Variants in DLGAP1 observed in about 807,000 individuals in gnomAD.
The protein encoded by DLGAP1 is DLG associated protein 1, also known as disks large-associated protein 1.
In DLGAP1, 11 loss-of-function variants were observed where a neutral mutation model predicts 90.8. The observed-to-expected ratio is 0.12, with a 90% CI of 0.08 to 0.20. The LOEUF is 0.20. Among genes scored for constraint, DLGAP1 ranks in the 10% least tolerant of loss-of-function variants. The pLI is 1.00. For missense variants in DLGAP1, 1,050 were observed against 1,333.8 expected (o/e 0.79, Z 3.31); for synonymous variants, 558 against 540.7 (o/e 1.03, Z -0.44).
At chr18:4,216,663 T>C (rs544561947) in intron 1 of DLGAP1, among the ~76,000 whole-genome samples, 2 of 152,230 alleles carry the variant, frequency 1.3e-5, no homozygotes, top group East Asian at 3.9e-4. Flanking sequence ...AATAGACAAC[T>C]TCTATCTTAC....
intron 8 of DLGAP1, among the ~76,000 whole-genome samples, chr18:3,573,372 C>T (rs977752842): frequency 6.6e-6 from 1 of 151,956 alleles, no homozygotes; most frequent in Admixed American, 6.6e-5. Context: ...CGTGGTAGCG[C>T]GTGGATGTAG....
intron 5 of DLGAP1, among the ~76,000 whole-genome samples, chr18:3,804,229 C>T (rs1439823747): frequency 2.3e-4 from 35 of 152,068 alleles, no homozygotes; most frequent in Admixed American, 2.3e-3. Context: ...AAGTGATCTG[C>T]CTGCCCTGGC....
chr18:3,584,755 ATC>A (rs1194499518), intron 7 of DLGAP1, among the ~76,000 whole-genome samples: 1 of 151,846 alleles, frequency 6.6e-6, no homozygotes, highest in African/African-American at 2.4e-5. Context: ...ACACAACTTC[ATC>A]TCTCTTTTTT....
intron 3 of DLGAP1, among the ~76,000 whole-genome samples, chr18:3,987,926 T>C (rs2073875365): frequency 6.6e-6 from 1 of 152,216 alleles, no homozygotes; most frequent in Non-Finnish European, 1.5e-5. Context: ...ACTGGTTTCA[T>C]GGAAGACAAT....
At chr18:3,924,669 C>T (rs2072341941) in intron 3 of DLGAP1, among the ~76,000 whole-genome samples, 1 of 152,162 alleles carries the variant, frequency 6.6e-6, no homozygotes, top group African/African-American at 2.4e-5. Context: ...CATACTTGAC[C>T]TTCTGATGCA....
intron 1 of DLGAP1, among the ~76,000 whole-genome samples, chr18:4,248,018 T>A (rs1297882876): frequency 6.6e-6 from 1 of 152,116 alleles, no homozygotes; most frequent in Non-Finnish European, 1.5e-5. Context: ...TTGGGAGTAT[T>A]AATATGGCAT....
intron 1 of DLGAP1, among the ~76,000 whole-genome samples, chr18:4,275,554 TC>T (rs2079391809): frequency 6.6e-6 from 1 of 151,800 alleles, no homozygotes. Flanking sequence ...TTGGTCCTTC[TC>T]CCCATGCTAG....
intron 5 of DLGAP1, among the ~76,000 whole-genome samples, chr18:3,772,419 T>C (rs1316637884): frequency 1.1e-5 from 1 of 91,962 alleles, no homozygotes; most frequent in African/African-American, 3.8e-5. Flanking sequence ...TCTTTCTTTC[T>C]TTCCTTCCTT....
intron 7 of DLGAP1, among the ~76,000 whole-genome samples, chr18:3,705,763 A>G (rs2061412432): frequency 6.7e-6 from 1 of 150,284 alleles, no homozygotes; most frequent in Non-Finnish European, 1.5e-5. Flanking sequence ...GGTTCAAGTG[A>G]TTCTCCTGCC....
intron 1 of DLGAP1, among the ~76,000 whole-genome samples, chr18:4,152,029 T>A (rs1009942890): frequency 3.9e-5 from 6 of 152,170 alleles, no homozygotes; most frequent in Non-Finnish European, 8.8e-5. Flanking sequence ...ATGGAACATA[T>A]AACTGGACCC....
At chr18:3,539,767 T>C (rs886369524) in intron 9 of DLGAP1, among the ~76,000 whole-genome samples, 1 of 152,226 alleles carries the variant, frequency 6.6e-6, no homozygotes, top group Non-Finnish European at 1.5e-5. Flanking sequence ...ATGACATCCA[T>C]GCTTTGGAAC....
At chr18:4,156,841 T>C (rs2076764654) in intron 1 of DLGAP1, among the ~76,000 whole-genome samples, 1 of 152,146 alleles carries the variant, frequency 6.6e-6, no homozygotes, top group Non-Finnish European at 1.5e-5. Context: ...TCCTATAAGA[T>C]GAAGAAGATG....
intron 1 of DLGAP1, among the ~76,000 whole-genome samples, chr18:4,286,926 G>T (rs2079710799): frequency 6.6e-6 from 1 of 152,110 alleles, no homozygotes; most frequent in Non-Finnish European, 1.5e-5. Context: ...GAACCACATG[G>T]ATATTTGGGA....
At chr18:4,451,915 A>G (rs1204497090) in intron 1 of DLGAP1, among the ~76,000 whole-genome samples, 1 of 152,218 alleles carries the variant, frequency 6.6e-6, no homozygotes, top group Non-Finnish European at 1.5e-5. Context: ...ATGAGAAGTG[A>G]GGATTGGGGA....
intron 3 of DLGAP1, among the ~76,000 whole-genome samples, chr18:3,970,115 A>C (rs2073414296): frequency 6.6e-6 from 1 of 152,228 alleles, no homozygotes; most frequent in African/African-American, 2.4e-5. Context: ...CGTATTACAA[A>C]AATGAAAATG....
At chr18:3,772,354 TTCTTTCTTTCTTTCTTTCTTTC>T (rs2064675539) in intron 5 of DLGAP1, among the ~76,000 whole-genome samples, 1 of 64,484 alleles carries the variant, frequency 1.6e-5, no homozygotes, top group Admixed American at 1.5e-4. Flanking sequence ...CTCTCTTTCT[TTCTTTCTTTCTTTCTTTCTTTC>T]TTTCTTTCTT....
chr18:3,537,842 C>A (rs112555129), intron 9 of DLGAP1, among the ~76,000 whole-genome samples: 2 of 152,092 alleles, frequency 1.3e-5, no homozygotes, highest in Non-Finnish European at 2.9e-5. Context: ...TGAGGTGGTA[C>A]ATTTCTTTGA....
chr18:4,324,116 C>G (rs758556444), intron 1 of DLGAP1, among the ~76,000 whole-genome samples: 16 of 151,710 alleles, frequency 1.1e-4, no homozygotes, highest in Non-Finnish European at 2.4e-4. Flanking sequence ...AGATAGACCA[C>G]TAACTACACA....
At chr18:3,722,748 A>G (rs1269266410) in intron 7 of DLGAP1, among the ~76,000 whole-genome samples, 1 of 152,196 alleles carries the variant, frequency 6.6e-6, no homozygotes, top group East Asian at 1.9e-4. Context: ...CCTGCTTTAT[A>G]ACAAGGATCT....
Sources: gnomAD v4.1 joint callset for allele counts (sites outside exome capture counted in the v4.1 genomes callset) on GRCh38, gnomAD v4.1.1 for gene constraint, MANE v1.5 for transcripts, NCBI Gene and HGNC (gene_info 2026-07-23, HGNC 2026-07-21) for gene names.